NCR1: variants seen among roughly 807,000 people sequenced by gnomAD.
NCR1 encodes the protein NK cell-activating receptor.
NCR1 carries 30 observed loss-of-function variants against 32.5 expected under a neutral mutation model. That is an observed-to-expected ratio of 0.92 (90% CI 0.69 to 1.25). The LOEUF (loss-of-function observed/expected upper bound fraction) is 1.25, where lower values mean the gene tolerates loss of function less well. Ranked by LOEUF, NCR1 falls within the 50% of genes most tolerant of loss-of-function variation. NCR1 has a pLI of 0.00. For missense variants in NCR1, 369 were observed against 380.7 expected (o/e 0.97, Z 0.26); for synonymous variants, 169 against 143.4 (o/e 1.18, Z -1.28).
chr19:54,899,419 A>G, the NCR1 span, among the ~76,000 whole-genome samples: 1 of 152,090 alleles, frequency 6.6e-6, no homozygotes, highest in South Asian at 2.1e-4. Context: ...CAGAGAAAAG[A>G]GAGAGTAGAG....
upstream of NCR1, among the ~76,000 whole-genome samples, chr19:54,901,356 A>C (rs192583075): frequency 0.018 from 1,480 of 80,678 alleles, 23 homozygotes; most frequent in African/African-American, 0.062. Context: ...GCGAGAGTCC[A>C]TCTCAAAAAA....
the NCR1 span, among the ~76,000 whole-genome samples, chr19:54,930,275 C>T: frequency 0.55 from 83,974 of 151,308 alleles, 23,536 homozygotes; most frequent in East Asian, 0.72. Flanking sequence ...AAAACCAGCC[C>T]GGGAAAGATG....
chr19:54,912,634 AAAAAG>A, intron 6 of NCR1, 51 bp from the exon 7 acceptor site: 13 of 496,264 alleles, frequency 2.6e-5, no homozygotes, highest in South Asian at 7.0e-5. Context: ...AAAAAAAAAA[AAAAAG>A]AGGGTGTCCT....
upstream of NCR1, among the ~76,000 whole-genome samples, chr19:54,903,382 GTATATACATATATGTATA>G (rs2067349398): frequency 2.4e-5 from 3 of 125,134 alleles, no homozygotes; most frequent in African/African-American, 9.6e-5. Context: ...ATACATGTAT[GTATATACATATATGTATA>G]TGTATGTATA....
At chr19:54,930,115 CAAAA>C in the NCR1 span, among the ~76,000 whole-genome samples, 4 of 100,538 alleles carry the variant, frequency 4.0e-5, no homozygotes, top group Admixed American at 1.2e-4. Flanking sequence ...GGCTCCGTCT[CAAAA>C]AAAAAAAAAA....
chr19:54,915,103 T>C (rs901091158), downstream of NCR1, among the ~76,000 whole-genome samples: 4 of 152,162 alleles, frequency 2.6e-5, no homozygotes, highest in South Asian at 2.1e-4. Context: ...ACTTGAACCC[T>C]GATTCGGCAT....
upstream of NCR1, among the ~76,000 whole-genome samples, chr19:54,905,122 A>G (rs1458975253): frequency 6.6e-6 from 1 of 152,164 alleles, no homozygotes; most frequent in South Asian, 2.1e-4. Flanking sequence ...GCTGGGCTGA[A>G]TGGTAACTCT....
the NCR1 span, among the ~76,000 whole-genome samples, chr19:54,921,946 G>A: frequency 6.6e-6 from 1 of 151,182 alleles, no homozygotes; most frequent in Non-Finnish European, 1.5e-5. Flanking sequence ...GCCCAGGCTG[G>A]AGTGCAGTGG....
chr19:54,932,257 A>G, the NCR1 span, among the ~76,000 whole-genome samples: 2 of 152,046 alleles, frequency 1.3e-5, no homozygotes, highest in Admixed American at 1.3e-4. Context: ...GTGAAACCTC[A>G]TCTCCACTAA....
Position 54,909,935 on chromosome 19 carries a change from A to AG in NCR1, c.635-83_635-82insG. Reference sequence around the variant, plus strand: ...GGGCGACAGAGCAAGACTCCATCTCAAAAAAAAAAAAAAAAAAAAAAGAAT... The same window carrying AG: ...GGGCGACAGAGCAAGACTCCATCTCAGAAAAAAAAAAAAAAAAAAAAAGAAT... On this transcript the variant is annotated intron_variant, in intron 4 of 6. Transcript: ENST00000291890. 1.7e-5 allele frequency: 3 copies of AG among 177,420 alleles called. No individual in the cohort carries two copies. The African/African-American group carries it at 2.5e-4, about 15-fold the overall frequency. 11.0% of individuals were successfully genotyped at this position (177,420 alleles called of 1,614,324 possible).
the NCR1 span, chr19:54,938,139 CT>C: frequency 1.9e-6 from 3 of 1,614,030 alleles, no homozygotes; most frequent in Non-Finnish European, 2.5e-6. Flanking sequence ...CTTCCAGAAA[CT>C]TGAGGTTGCT....
chr19:54,922,544 G>A, the NCR1 span, among the ~76,000 whole-genome samples: 1 of 151,988 alleles, frequency 6.6e-6, no homozygotes, highest in Non-Finnish European at 1.5e-5. Context: ...CTGGGAGGCT[G>A]AGGCGGGTAG....
the NCR1 span, chr19:54,938,188 C>T: frequency 8.7e-6 from 14 of 1,613,922 alleles, no homozygotes; most frequent in African/African-American, 8.0e-5. Context: ...TGTCCAGAGG[C>T]GAAGAGAGCG....
chr19:54,936,399 C>G, the NCR1 span: 1 of 1,614,074 alleles, frequency 6.2e-7, no homozygotes, highest in Non-Finnish European at 8.5e-7. Context: ...ACAGAAGTCC[C>G]GGTACGCGGT....
chr19:54,929,905 G>C, the NCR1 span, among the ~76,000 whole-genome samples: 2 of 151,330 alleles, frequency 1.3e-5, no homozygotes, highest in African/African-American at 4.9e-5. Context: ...ATGAGGTCAG[G>C]AGATCGAGAC....
chr19:54,919,865 G>A (rs1192443123), downstream of NCR1, among the ~76,000 whole-genome samples: 2 of 152,164 alleles, frequency 1.3e-5, no homozygotes, highest in Non-Finnish European at 2.9e-5. Flanking sequence ...GCCCTCTGGT[G>A]GCCCTGTCCG....
chr19:54,910,163 G>A (rs780016593), intron 5 of NCR1, 98 bp downstream of exon 5: 47 of 1,251,292 alleles, frequency 3.8e-5, no homozygotes, highest in Middle Eastern at 1.9e-4. Context: ...GAGGCCAGGC[G>A]TGGTGGCTCA....
At chr19:54,926,296 T>TA in the NCR1 span, among the ~76,000 whole-genome samples, 1 of 152,188 alleles carries the variant, frequency 6.6e-6, no homozygotes, top group Non-Finnish European at 1.5e-5. Context: ...TCAGTATGCC[T>TA]AGGACTAAGT....
At chr19:54,937,612 A>G in the NCR1 span, among the ~76,000 whole-genome samples, 5,013 of 148,446 alleles carry the variant, frequency 0.034, 267 homozygotes, top group African/African-American at 0.11. Context: ...AAAAATAAAA[A>G]AGGGGCCAGG....
Sources: allele counts gnomAD v4.1 joint callset (sites outside exome capture counted in the v4.1 genomes callset), GRCh38; gene constraint gnomAD v4.1.1; transcripts MANE v1.5; gene names NCBI Gene and HGNC (gene_info 2026-07-23, HGNC 2026-07-21).